FLVCR2: variants seen among roughly 807,000 people sequenced by gnomAD.
The protein encoded by FLVCR2 is FLVCR choline and putative heme transporter 2.
In FLVCR2, 38 loss-of-function variants were observed where a neutral mutation model predicts 48.9. The observed-to-expected ratio is 0.78, with a 90% CI of 0.60 to 1.02. FLVCR2 has a LOEUF of 1.02. Ranked by LOEUF, FLVCR2 falls within the 50% of genes least tolerant of loss-of-function variation. FLVCR2 has a pLI of 0.00. For missense variants in FLVCR2, 664 were observed against 663.3 expected (o/e 1.00, Z -0.01); for synonymous variants, 255 against 257.0 (o/e 0.99, Z 0.07).
chr14:75,579,550 T>C lies in FLVCR2; in HGVS notation c.578T>C (p.Phe193Ser). 5 of 1,613,920 alleles carry C rather than the reference T, an allele frequency of 3.1e-6. No homozygotes were observed. The highest frequency in any genetic ancestry group is 4.2e-6 in the Non-Finnish European group (5 of 1,179,936). The part of the protein sequence containing the change: ...GQLICSVAQV[F>S]ILGMPSRIAS... ...CTCATCTGCTCTGTGGCCCAGGTTTTCATCCTGGGCATGCCCTCCCGCATC... is the reference window on the plus strand; with the variant it reads ...CTCATCTGCTCTGTGGCCCAGGTTTCCATCCTGGGCATGCCCTCCCGCATC... Residue 193 changes from phenylalanine to serine, a missense_variant, in exon 1 of 10, where the codon TTC (phenylalanine) becomes TCC (serine). By Grantham distance (155) the Phe-to-Ser change is radical. Coordinates refer to ENST00000238667, the MANE Select transcript of FLVCR2 (RefSeq NM_017791.3).
In FLVCR2 at chr14:75,622,095, G is replaced by A. The variant is rs528959327; in HGVS notation, c.686G>A (p.Gly229Glu). Reference protein sequence around the residue: ...VFGNQLGIAIGFLVPPVLVPN... With the variant: ...VFGNQLGIAIEFLVPPVLVPN... ...CTTCTATAGCTTGGAATTGCGATTG[G>A]GTTCTTGGTCCCTCCTGTTTTGGTA... Residue 229 changes from glycine to glutamate, a missense_variant, in exon 2 of 10, where the codon GGG becomes GAG. Gly to Glu is a moderately conservative substitution (Grantham distance 98). Transcript: ENST00000238667. 2 of 1,614,118 alleles carry A rather than the reference G, an allele frequency of 1.2e-6. No homozygotes were observed. Among genetic ancestry groups the A allele is most frequent in the Non-Finnish European group, 1.7e-6 (2 of 1,180,022 alleles).
chr14:75,585,152 C>A (rs950742457), intron 1 of FLVCR2, among the ~76,000 whole-genome samples: 1 of 151,954 alleles, frequency 6.6e-6, no homozygotes, highest in Non-Finnish European at 1.5e-5. Flanking sequence ...TCAAAAGACT[C>A]AGAGCTTGGG....
At chr14:75,600,022 T>C (rs889991886) in intron 1 of FLVCR2, among the ~76,000 whole-genome samples, 1 of 152,142 alleles carries the variant, frequency 6.6e-6, no homozygotes, top group African/African-American at 2.4e-5. Context: ...AGGTTAGGCA[T>C]TCTAAGTCAC....
intron 1 of FLVCR2, among the ~76,000 whole-genome samples, chr14:75,617,099 C>T (rs945845150): frequency 3.9e-5 from 6 of 152,112 alleles, no homozygotes; most frequent in Non-Finnish European, 8.8e-5. Flanking sequence ...GGATGGGAAA[C>T]AGTGGTTCTG....
intron 3 of FLVCR2, 43 bp downstream of exon 3, chr14:75,624,795 G>T: frequency 6.2e-7 from 1 of 1,608,940 alleles, no homozygotes; most frequent in Non-Finnish European, 8.5e-7. Flanking sequence ...AGCTGGAAAT[G>T]TTAGATGAGA....
chr14:75,608,303 C>G (rs1387559851), intron 1 of FLVCR2, among the ~76,000 whole-genome samples: 2 of 152,164 alleles, frequency 1.3e-5, no homozygotes, highest in Non-Finnish European at 2.9e-5. Flanking sequence ...AGAAAGGAAG[C>G]TATACTTGCT....
At chr14:75,579,892 G>T (rs1328416863) in intron 1 of FLVCR2, among the ~76,000 whole-genome samples, 4 of 152,138 alleles carry the variant, frequency 2.6e-5, no homozygotes, top group Admixed American at 6.5e-5. Context: ...CTATACCTTC[G>T]CTGTGTCGTT....
chr14:75,580,754 A>G (rs1888575248), intron 1 of FLVCR2, among the ~76,000 whole-genome samples: 1 of 152,208 alleles, frequency 6.6e-6, no homozygotes, highest in Non-Finnish European at 1.5e-5. Context: ...GGGAAATTAC[A>G]AAGTACATTG....
chr14:75,631,352 C>T (rs774093480), intron 3 of FLVCR2, among the ~76,000 whole-genome samples: 3 of 152,210 alleles, frequency 2.0e-5, no homozygotes, highest in Non-Finnish European at 2.9e-5. Context: ...GCCTCACTCC[C>T]AGAGTTTCTG....
intron 1 of FLVCR2, among the ~76,000 whole-genome samples, chr14:75,615,982 G>A (rs553335071): frequency 7.2e-4 from 88 of 123,066 alleles, no homozygotes; most frequent in African/African-American, 2.3e-3. Flanking sequence ...AGCCGAGATC[G>A]TGCCACTGCA....
intron 1 of FLVCR2, among the ~76,000 whole-genome samples, chr14:75,593,688 T>A (rs1160015758): frequency 6.6e-6 from 1 of 152,192 alleles, no homozygotes; most frequent in Non-Finnish European, 1.5e-5. Flanking sequence ...CAAACTCAGA[T>A]CATATCCGAA....
At chr14:75,637,825 C>A (rs896616284) in intron 5 of FLVCR2, among the ~76,000 whole-genome samples, 2 of 152,002 alleles carry the variant, frequency 1.3e-5, no homozygotes, top group African/African-American at 2.4e-5. Flanking sequence ...TGTGCAGTGC[C>A]TATGCCCTGC....
intron 1 of FLVCR2, among the ~76,000 whole-genome samples, chr14:75,616,026 CAAAAAAAAAA>C (rs10629813): frequency 1.2e-4 from 3 of 25,618 alleles, no homozygotes; most frequent in South Asian, 5.3e-3. Flanking sequence ...GACTCCATCT[CAAAAAAAAAA>C]AAAAAAAAAA....
At chr14:75,583,048 C>T (rs1783024078) in intron 1 of FLVCR2, among the ~76,000 whole-genome samples, 3 of 152,100 alleles carry the variant, frequency 2.0e-5, no homozygotes, top group Non-Finnish European at 1.5e-5. Context: ...CAGTACAGCC[C>T]AGATAAGTTG....
intron 1 of FLVCR2, among the ~76,000 whole-genome samples, chr14:75,588,361 T>C (rs1888800074): frequency 6.6e-6 from 1 of 152,180 alleles, no homozygotes; most frequent in Non-Finnish European, 1.5e-5. Context: ...CCACCCTCAT[T>C]TTAATGACAT....
intron 1 of FLVCR2, among the ~76,000 whole-genome samples, chr14:75,612,107 G>T (rs1460946084): frequency 6.6e-6 from 1 of 151,968 alleles, no homozygotes; most frequent in Non-Finnish European, 1.5e-5. Context: ...GTGAAGTGTT[G>T]CCCCCCAAAA....
rs191737807 is a variant in FLVCR2, at chr14:75,635,009, T to C, written c.1120T>C (p.Tyr374His). The change falls in exon 5 of 10, where the codon TAC becomes CAC. Residue 374 changes from tyrosine to histidine, a missense_variant. Physicochemically the swap from Tyr to His is moderately conservative, Grantham distance 83. Coordinates refer to ENST00000238667, the MANE Select transcript of FLVCR2 (RefSeq NM_017791.3). Reference protein sequence around the residue: ...SGIWLDRSKTYKETTLVVYIM... With the variant: ...SGIWLDRSKTHKETTLVVYIM... ...AATCTGGCTGGATAGGTCCAAAACC[T>C]ACAAGTAAGTGACTCATCCTCTTGG... 6.3e-6 allele frequency: 10 copies of C among 1,596,736 alleles called. No individual in the cohort carries two copies. In the East Asian group the frequency reaches 2.2e-4, roughly 36 times the overall value.
At chr14:75,595,229 A>G (rs1436387476) in intron 1 of FLVCR2, among the ~76,000 whole-genome samples, 1 of 149,798 alleles carries the variant, frequency 6.7e-6, no homozygotes, top group Non-Finnish European at 1.5e-5. Flanking sequence ...AAGTCTTTGG[A>G]AACTCATGTA....
At chr14:75,629,990 T>A (rs965489466) in intron 3 of FLVCR2, among the ~76,000 whole-genome samples, 1 of 152,138 alleles carries the variant, frequency 6.6e-6, no homozygotes, top group Non-Finnish European at 1.5e-5. Flanking sequence ...GGGCATAAAA[T>A]CCTCCAGATT....
Sources: gnomAD v4.1 joint callset for allele counts (sites outside exome capture counted in the v4.1 genomes callset) on GRCh38, gnomAD v4.1.1 for gene constraint, MANE v1.5 for transcripts, NCBI Gene and HGNC (gene_info 2026-07-23, HGNC 2026-07-21) for gene names.